UBE2D3: variants seen among roughly 807,000 people sequenced by gnomAD.
UBE2D3 encodes ubiquitin conjugating enzyme E2 D3, also known as ubiquitin-conjugating enzyme E2 D3.
In UBE2D3, 2 loss-of-function variants were observed where a neutral mutation model predicts 22.8. That is an observed-to-expected ratio of 0.09 (90% CI 0.04 to 0.28). The LOEUF (loss-of-function observed/expected upper bound fraction) is 0.28, where lower values mean the gene tolerates loss of function less well. Among genes scored for constraint, UBE2D3 ranks in the 10% least tolerant of loss-of-function variants. UBE2D3 has a pLI of 1.00. For missense variants in UBE2D3, 27 were observed against 182.5 expected (o/e 0.15, Z 4.91); for synonymous variants, 56 against 60.4 (o/e 0.93, Z 0.34).
chr4:102,828,322 G>GTAAATACTGCT, upstream of UBE2D3: 1 of 963,430 alleles, frequency 1.0e-6, no homozygotes, highest in Non-Finnish European at 1.2e-6. Context: ...GAGCAGGTGA[G>GTAAATACTGCT]CAGTATTTAC....
intron 6 of UBE2D3, among the ~76,000 whole-genome samples, chr4:102,800,765 T>C (rs1726030943): frequency 6.6e-6 from 1 of 152,080 alleles, no homozygotes; most frequent in Non-Finnish European, 1.5e-5. Flanking sequence ...TTTTATACAA[T>C]GCCTTGCCTT....
chr4:102,837,813 G>T (rs569202664), intron 1 of UBE2D3, among the ~76,000 whole-genome samples: 1 of 152,190 alleles, frequency 6.6e-6, no homozygotes, highest in African/African-American at 2.4e-5. Flanking sequence ...TTAGCCAGGC[G>T]TGGTGGCAGG....
At chr4:102,819,870 A>G (rs1303567862) in intron 2 of UBE2D3, among the ~76,000 whole-genome samples, 1 of 152,234 alleles carries the variant, frequency 6.6e-6, no homozygotes, top group African/African-American at 2.4e-5. Flanking sequence ...AATTTCTTGT[A>G]TTCTATTTGA....
chr4:102,854,836 G>A (rs1219284058), intron 1 of UBE2D3, among the ~76,000 whole-genome samples: 1 of 152,178 alleles, frequency 6.6e-6, no homozygotes, highest in Non-Finnish European at 1.5e-5. Flanking sequence ...AACTTAAGAG[G>A]AAACCATAGT....
At chr4:102,838,218 G>A (rs915748145) in intron 1 of UBE2D3, among the ~76,000 whole-genome samples, 6 of 152,108 alleles carry the variant, frequency 3.9e-5, no homozygotes, top group African/African-American at 7.2e-5. Context: ...AAATTCACGC[G>A]AACTAAACCC....
At chr4:102,849,449 G>A (rs1173835095) in intron 1 of UBE2D3, among the ~76,000 whole-genome samples, 1 of 144,896 alleles carries the variant, frequency 6.9e-6, no homozygotes, top group Non-Finnish European at 1.5e-5. Flanking sequence ...ATTACAAAAA[G>A]ACTAACCACA....
chr4:102,809,820 T>C lies in UBE2D3; in HGVS notation c.60A>G (p.Gln20=), dbSNP rs376790531. Residue 20 remains glutamine, a synonymous_variant, in exon 3 of 8, where the codon CAA becomes CAG. Coordinates refer to ENST00000453744, the MANE Select transcript of UBE2D3 (RefSeq NM_181891.3). ...LSDLARDPPA[Q]CSAGPVGDDM... The stretch of plus-strand genomic sequence containing the variant: ...CATCCCCAACTGGACCTGCAGAACA[T>C]TGTGCTGGAGGGTCACGGGCCAAAT... 11 of 1,613,928 alleles carry C rather than the reference T, an allele frequency of 6.8e-6. No individual in the cohort carries two copies. The highest frequency in any genetic ancestry group is 5.3e-5 in the African/African-American group (4 of 74,998).
intron 2 of UBE2D3, chr4:102,819,729 A>C (rs186420189): frequency 2.8e-6 from 1 of 362,864 alleles, no homozygotes; most frequent in East Asian, 1.7e-4. Context: ...ATCATTTGTT[A>C]TCCCAATCTC....
intron 1 of UBE2D3, among the ~76,000 whole-genome samples, chr4:102,849,686 C>T (rs995325360): frequency 1.3e-5 from 2 of 152,164 alleles, no homozygotes; most frequent in African/African-American, 2.4e-5. Flanking sequence ...TGGTGCTCAA[C>T]TTCAATGGTC....
Position 102,803,572 on chromosome 4 carries a change from A to G in UBE2D3, c.121-934T>C, listed in dbSNP as rs1249666004. Reference sequence around the variant, plus strand: ...AATTCAATTAATCTAACCCCTTGCTATATACTGTATGTGTGTTAAGGGATC... The same window carrying G: ...AATTCAATTAATCTAACCCCTTGCTGTATACTGTATGTGTGTTAAGGGATC... On this transcript the variant is annotated intron_variant, in intron 4 of 7. Transcript: ENST00000453744. 2.0e-5 allele frequency among the ~76,000 whole-genome samples: 3 copies of G among 152,320 alleles called. No homozygotes were observed. In the East Asian group the frequency reaches 5.8e-4, roughly 29 times the overall value.
chr4:102,809,931 G>GTTAC (rs955119241), intron 2 of UBE2D3, 76 bp from the exon 3 acceptor site: 12 of 1,419,990 alleles, frequency 8.5e-6, no homozygotes, highest in Admixed American at 3.5e-5. Flanking sequence ...ACTGCTTTCA[G>GTTAC]TTACTTTCAC....
chr4:102,799,057 A>C, intron 7 of UBE2D3: 7 of 1,455,850 alleles, frequency 4.8e-6, no homozygotes, highest in Non-Finnish European at 6.7e-6. Context: ...TATAATTCAA[A>C]TATTTGAGAA....
chr4:102,825,825 C>T (rs1036406201), intron 2 of UBE2D3: 2 of 453,396 alleles, frequency 4.4e-6, no homozygotes, highest in Admixed American at 2.4e-5. Flanking sequence ...TCCCGGTGTC[C>T]CTCGGATAAA....
At chr4:102,798,567 C>T (rs892853722) in intron 7 of UBE2D3, among the ~76,000 whole-genome samples, 14 of 151,110 alleles carry the variant, frequency 9.3e-5, no homozygotes, top group African/African-American at 3.4e-4. Context: ...GTGTTTTTCC[C>T]TTACATTACT....
chr4:102,814,925 G>A (rs1032683700), intron 2 of UBE2D3, among the ~76,000 whole-genome samples: 1 of 152,050 alleles, frequency 6.6e-6, no homozygotes, highest in Non-Finnish European at 1.5e-5. Context: ...TGAAATAAGA[G>A]TTTAAAAAGC....
In UBE2D3 at chr4:102,827,145, ACACT is replaced by A. The variant is rs1048163888; in HGVS notation, c.-129+278_-129+281del. 3.0e-6 allele frequency: 3 copies of A among 986,650 alleles called. No individual in the cohort carries two copies. In the African/African-American group the frequency reaches 5.2e-5, roughly 17 times the overall value. 61.1% of individuals were successfully genotyped at this position (986,650 alleles called of 1,614,324 possible). Reference sequence around the variant, plus strand: ...TCTGTGTCACCCCTGACGCCACCGTACACTCACTCCGCCTTCCAGCGCGCTCCCG... The same window carrying A: ...TCTGTGTCACCCCTGACGCCACCGTACACTCCGCCTTCCAGCGCGCTCCCG... On this transcript the variant is annotated intron_variant, in intron 1 of 7. Coordinates refer to ENST00000453744, the MANE Select transcript of UBE2D3 (RefSeq NM_181891.3).
At chr4:102,836,327 A>G (rs1731399891) in intron 1 of UBE2D3, among the ~76,000 whole-genome samples, 1 of 151,590 alleles carries the variant, frequency 6.6e-6, no homozygotes, top group Non-Finnish European at 1.5e-5. Context: ...TTTATTTTTT[A>G]GTAGAGACGG....
rs192120951 is a variant in UBE2D3, at chr4:102,844,954, G to A, written c.-128-18318C>T. 5.1e-3 allele frequency among the ~76,000 whole-genome samples: 771 copies of A among 151,264 alleles called. 32 individuals carry two copies. The highest frequency in any genetic ancestry group is 1.6e-3 in the Non-Finnish European group (106 of 67,804). ...GGAGAATGGCGTGAACCTGGGAGGC[G>A]GGGCTTGCAGTGAGCCGAGATCGCG... On this transcript the variant is annotated intron_variant, in intron 1 of 7. Transcript: ENST00000338145.
chr4:102,825,626 GTTT>G (rs3841974), intron 2 of UBE2D3: 3 of 1,184,856 alleles, frequency 2.5e-6, no homozygotes, highest in South Asian at 1.3e-5. Context: ...AAAAATCCTA[GTTT>G]TTTTTCAACT....
Sources: allele counts gnomAD v4.1 joint callset (sites outside exome capture counted in the v4.1 genomes callset), GRCh38; gene constraint gnomAD v4.1.1; transcripts MANE v1.5; gene names NCBI Gene and HGNC (gene_info 2026-07-23, HGNC 2026-07-21).